C3orf22: variants seen among roughly 807,000 people sequenced by gnomAD.
The protein encoded by C3orf22 is chromosome 3 open reading frame 22.
In C3orf22, 7 loss-of-function variants were observed where a neutral mutation model predicts 10.8. The ratio of observed to expected loss-of-function variants is 0.65; its 90% CI spans 0.37 to 1.22. C3orf22 has a LOEUF of 1.22. Ranked by LOEUF, C3orf22 falls within the 50% of genes most tolerant of loss-of-function variation. The probability of loss-of-function intolerance (pLI) is 0.02; values close to 1 mark genes in which losing one functional copy is unlikely to be tolerated. For missense variants in C3orf22, 173 were observed against 177.0 expected (o/e 0.98, Z 0.13); for synonymous variants, 79 against 78.9 (o/e 1.00, Z 0.00).
At chr3:126,537,534 C>G (rs1051770286) in intron 4 of C3orf22, among the ~76,000 whole-genome samples, 1 of 152,130 alleles carries the variant, frequency 6.6e-6, no homozygotes, top group Non-Finnish European at 1.5e-5. Flanking sequence ...CTCATCTGGC[C>G]CAAGCCTACA....
chr3:126,546,237 G>A (rs1937065869), downstream of C3orf22, among the ~76,000 whole-genome samples: 1 of 152,178 alleles, frequency 6.6e-6, no homozygotes, highest in Non-Finnish European at 1.5e-5. Context: ...AGTGCCCCCT[G>A]GAAGCAGTCC....
intron 4 of C3orf22, among the ~76,000 whole-genome samples, chr3:126,532,832 AAG>A (rs1412372214): frequency 6.6e-6 from 1 of 152,224 alleles, no homozygotes; most frequent in African/African-American, 2.4e-5. Flanking sequence ...AGGAATTTCA[AAG>A]AATCTGTAGA....
intron 5 of C3orf22, among the ~76,000 whole-genome samples, chr3:126,528,860 C>G (rs950503302): frequency 6.6e-6 from 1 of 152,192 alleles, no homozygotes; most frequent in Non-Finnish European, 1.5e-5. Context: ...GGGCCTGATC[C>G]CCAGAAGGAA....
chr3:126,547,105 C>T (rs941541361), downstream of C3orf22, among the ~76,000 whole-genome samples: 6 of 152,176 alleles, frequency 3.9e-5, no homozygotes, highest in African/African-American at 1.4e-4. Flanking sequence ...AATGCACCTC[C>T]ACCGTGCCTC....
downstream of C3orf22, among the ~76,000 whole-genome samples, chr3:126,548,184 G>A (rs1483282394): frequency 3.3e-5 from 5 of 152,168 alleles, no homozygotes; most frequent in Non-Finnish European, 7.3e-5. Context: ...TAGTAGAGAC[G>A]GGGTTTCACC....
At chr3:126,541,687 G>T in intron 4 of C3orf22, 5 of 1,385,634 alleles carry the variant, frequency 3.6e-6, no homozygotes, top group Non-Finnish European at 4.7e-6. Context: ...CAGGGAGCCC[G>T]CGCTGCCCTG....
rs1298413530 is a variant in C3orf22, at chr3:126,552,258, A to G, written c.90-136T>C. ...AATATTAGCCCATATGTCAGCTGAC[A>G]AGCATGCTGTGAGGCAGGTGTTACC... On this transcript the variant is annotated intron_variant, in intron 2 of 3. Transcript: ENST00000318225. 6.5e-6 allele frequency: 9 copies of G among 1,382,272 alleles called. No homozygotes were observed. The Admixed American group carries it at 9.8e-5, about 15-fold the overall frequency. The allele number at this position is 1,382,272 out of a possible 1,614,324, so 85.6% of individuals were successfully genotyped here. A position where few individuals can be genotyped will look rare whatever the true frequency, so the allele number is the denominator to read the frequency against.
At chr3:126,528,618 G>T (rs1310604317) in intron 5 of C3orf22, among the ~76,000 whole-genome samples, 1 of 152,132 alleles carries the variant, frequency 6.6e-6, no homozygotes, top group Non-Finnish European at 1.5e-5. Flanking sequence ...CCTACCCGGG[G>T]CTGGCCATGG....
chr3:126,549,703 C>A lies in C3orf22; in HGVS notation c.*165G>T, dbSNP rs143636008. On this transcript the variant is annotated 3_prime_UTR_variant, in exon 4 of 4. Transcript: ENST00000318225. ...ATTCCAGCTGGAAGTGGGGTGGGAA[C>A]TCGCAGTTTATTAGCTTGGTGTAGC... 38 of 1,525,160 alleles carry A rather than the reference C, an allele frequency of 2.5e-5. No individual in the cohort carries two copies. The Admixed American group carries it at 7.5e-4, about 30-fold the overall frequency. The allele number at this position is 1,525,160 out of a possible 1,614,324, so 94.5% of individuals were successfully genotyped here.
intron 4 of C3orf22, among the ~76,000 whole-genome samples, chr3:126,536,802 C>G (rs1370087173): frequency 6.6e-6 from 1 of 151,726 alleles, no homozygotes; most frequent in Non-Finnish European, 1.5e-5. Flanking sequence ...CTGCAGGGAC[C>G]ACACACAACC....
At chr3:126,532,349 A>G (rs1936676885) in intron 4 of C3orf22, among the ~76,000 whole-genome samples, 2 of 152,214 alleles carry the variant, frequency 1.3e-5, no homozygotes, top group South Asian at 4.1e-4. Flanking sequence ...CACCTAATCC[A>G]AGGTCATGGA....
intron 4 of C3orf22, among the ~76,000 whole-genome samples, chr3:126,538,853 G>C (rs1560141739): frequency 1.3e-5 from 2 of 152,104 alleles, no homozygotes; most frequent in African/African-American, 2.4e-5. Flanking sequence ...AGGGTTCACT[G>C]TTTCTCAAAA....
chr3:126,535,918 G>T (rs1050083352), intron 4 of C3orf22, among the ~76,000 whole-genome samples: 2 of 152,242 alleles, frequency 1.3e-5, no homozygotes, highest in East Asian at 1.9e-4. Context: ...AAGGGTTGGG[G>T]CATGAGGCCA....
chr3:126,536,412 C>A, intron 4 of C3orf22: 1 of 1,359,540 alleles, frequency 7.4e-7, no homozygotes, highest in Middle Eastern at 1.8e-4. Flanking sequence ...AGGAGCCTGA[C>A]AGCAACAGTG....
downstream of C3orf22, chr3:126,549,505 C>T (rs1389416977): frequency 1.7e-6 from 1 of 574,304 alleles, no homozygotes; most frequent in East Asian, 6.4e-5. Flanking sequence ...TTGCTGTTTC[C>T]AGCAGCACTG....
chr3:126,534,668 G>A (rs1936727233), intron 4 of C3orf22, among the ~76,000 whole-genome samples: 1 of 147,506 alleles, frequency 6.8e-6, no homozygotes, highest in South Asian at 2.1e-4. Context: ...CAGCATTGCT[G>A]TCCTCAGCCG....
chr3:126,538,531 G>C (rs1936850619), intron 4 of C3orf22, among the ~76,000 whole-genome samples: 1 of 152,248 alleles, frequency 6.6e-6, no homozygotes, highest in African/African-American at 2.4e-5. Context: ...CTGAAGCTGG[G>C]CTCATGCCCT....
chr3:126,535,965 CT>C (rs1936781170), intron 4 of C3orf22, among the ~76,000 whole-genome samples: 2 of 152,338 alleles, frequency 1.3e-5, no homozygotes, highest in African/African-American at 4.8e-5. Flanking sequence ...GTGATCTGGC[CT>C]TTCCTAGAGG....
intron 3 of C3orf22, among the ~76,000 whole-genome samples, chr3:126,550,738 C>T (rs965236307): frequency 1.3e-5 from 2 of 152,178 alleles, no homozygotes; most frequent in African/African-American, 2.4e-5. Flanking sequence ...TGGCATGGGA[C>T]CAACTCCCTG....
Sources: gnomAD v4.1 joint callset for allele counts (sites outside exome capture counted in the v4.1 genomes callset) on GRCh38, gnomAD v4.1.1 for gene constraint, MANE v1.5 for transcripts, NCBI Gene and HGNC (gene_info 2026-07-23, HGNC 2026-07-21) for gene names.